The following GALNT13 variants were observed in gnomAD, a reference collection of about 807,000 sequenced individuals.
GALNT13 encodes the protein UDP-GalNAc:polypeptide N-acetylgalactosaminyltransferase 13.
GALNT13 carries 28 observed loss-of-function variants against 64.2 expected under a neutral mutation model. The ratio of observed to expected loss-of-function variants is 0.44; its 90% CI spans 0.32 to 0.60. The LOEUF is 0.60. Ranked by LOEUF, GALNT13 falls within the 20% of genes least tolerant of loss-of-function variation. The pLI, the probability that GALNT13 is intolerant of heterozygous loss-of-function variation, is 0.05. For synonymous variants in GALNT13, 214 were observed against 224.6 expected (o/e 0.95, Z 0.42); for missense variants, 577 against 669.8 (o/e 0.86, Z 1.53).
the GALNT13 span, among the ~76,000 whole-genome samples, chr2:153,411,280 C>T: frequency 6.6e-6 from 1 of 151,696 alleles, no homozygotes; most frequent in African/African-American, 2.4e-5. Flanking sequence ...CCATGCCCAG[C>T]ACTGGATTCA....
chr2:153,642,282 G>T, the GALNT13 span, among the ~76,000 whole-genome samples: 1 of 151,630 alleles, frequency 6.6e-6, no homozygotes, highest in Non-Finnish European at 1.5e-5. Flanking sequence ...ATATTCATGT[G>T]GTCTTGTTTG....
At chr2:153,625,238 G>C in the GALNT13 span, among the ~76,000 whole-genome samples, 3 of 151,912 alleles carry the variant, frequency 2.0e-5, no homozygotes, top group Admixed American at 6.6e-5. Flanking sequence ...AGGGGAGAGT[G>C]GGGGGAATGG....
intron 4 of GALNT13, among the ~76,000 whole-genome samples, chr2:154,234,181 A>T (rs534232807): frequency 2.0e-5 from 3 of 152,314 alleles, no homozygotes; most frequent in African/African-American, 7.2e-5. Flanking sequence ...TTAAAGATAA[A>T]ATACAAGATA....
chr2:153,997,187 C>T (rs1695578121), intron 3 of GALNT13, among the ~76,000 whole-genome samples: 1 of 151,896 alleles, frequency 6.6e-6, no homozygotes, highest in Non-Finnish European at 1.5e-5. Context: ...TTTAGGATTG[C>T]TTTTTCTATT....
chr2:153,172,080 G>A, the GALNT13 span: 2 of 152,232 alleles, frequency 1.3e-5, no homozygotes, highest in African/African-American at 4.8e-5. Flanking sequence ...GAGATGAGAA[G>A]TGAACCACTT....
intron 8 of GALNT13, among the ~76,000 whole-genome samples, chr2:154,278,699 G>A (rs568021483): frequency 6.6e-6 from 1 of 152,264 alleles, no homozygotes; most frequent in South Asian, 2.1e-4. Context: ...AAGTCAGGAA[G>A]TAGGAATAAT....
chr2:154,190,314 A>G (rs1372902033), intron 4 of GALNT13, among the ~76,000 whole-genome samples: 1 of 152,236 alleles, frequency 6.6e-6, no homozygotes, highest in African/African-American at 2.4e-5. Flanking sequence ...GTTTTTCTGT[A>G]TGCCCCACTG....
intron 9 of GALNT13, among the ~76,000 whole-genome samples, chr2:154,393,002 G>GA (rs1698868361): frequency 6.6e-6 from 1 of 152,136 alleles, no homozygotes; most frequent in South Asian, 2.1e-4. Context: ...TTTTCCTTGA[G>GA]AAAATCAGTG....
At position 154,383,711 on chromosome 2, in the gene GALNT13, A is replaced by C. The variant is rs115620697; in HGVS notation, c.1157-12280A>C. Among the ~76,000 whole-genome samples the C allele has an allele frequency of 2.5e-3, 386 of 152,020 alleles. 3 individuals carry two copies. Among genetic ancestry groups the C allele is most frequent in the Non-Finnish European group, 5.0e-3 (339 of 67,872 alleles). ...AATATTACTGTTATGATATTCTTTT[A>C]TCAATGAGGCCAACTAATACTTTGA... On this transcript the variant is annotated intron_variant, in intron 9 of 12. Transcript: ENST00000392825.
At chr2:153,132,192 G>A in the GALNT13 span, among the ~76,000 whole-genome samples, 1 of 152,192 alleles carries the variant, frequency 6.6e-6, no homozygotes, top group South Asian at 2.1e-4. Flanking sequence ...AGTCAAACAT[G>A]GTCTTTTTGC....
chr2:153,787,459 T>A, the GALNT13 span, among the ~76,000 whole-genome samples: 2 of 152,152 alleles, frequency 1.3e-5, no homozygotes, highest in Non-Finnish European at 2.9e-5. Flanking sequence ...TCAATGTATA[T>A]GACATTTAAA....
At chr2:153,815,693 A>AT in the GALNT13 span, among the ~76,000 whole-genome samples, 7 of 151,626 alleles carry the variant, frequency 4.6e-5, no homozygotes, top group South Asian at 2.1e-4. Flanking sequence ...TCCATTCTTA[A>AT]TTTTTTTTTC....
chr2:153,240,054 G>C, the GALNT13 span, among the ~76,000 whole-genome samples: 1 of 151,994 alleles, frequency 6.6e-6, no homozygotes, highest in Non-Finnish European at 1.5e-5. Context: ...TGGTAGGTTG[G>C]TTATCTAGCA....
chr2:154,076,015 A>G (rs1357708517), intron 3 of GALNT13, among the ~76,000 whole-genome samples: 1 of 151,728 alleles, frequency 6.6e-6, no homozygotes, highest in Non-Finnish European at 1.5e-5. Context: ...TGATATAATG[A>G]GCAACACTAA....
chr2:153,587,793 A>G, the GALNT13 span, among the ~76,000 whole-genome samples: 1 of 152,208 alleles, frequency 6.6e-6, no homozygotes, highest in Non-Finnish European at 1.5e-5. Flanking sequence ...GTCTTAACTC[A>G]TTTCAGCATT....
intron 4 of GALNT13, among the ~76,000 whole-genome samples, chr2:154,165,806 A>C (rs1684990540): frequency 6.6e-6 from 1 of 152,196 alleles, no homozygotes; most frequent in Non-Finnish European, 1.5e-5. Context: ...AGCTGAGAAG[A>C]AAATTACACG....
At chr2:154,158,131 ACATCT>A (rs1330663174) in intron 4 of GALNT13, among the ~76,000 whole-genome samples, 2 of 152,156 alleles carry the variant, frequency 1.3e-5, no homozygotes, top group African/African-American at 2.4e-5. Flanking sequence ...CGAGAATTGA[ACATCT>A]CATGGTATTC....
At chr2:154,031,373 A>G (rs2105306667) in intron 3 of GALNT13, among the ~76,000 whole-genome samples, 1 of 152,176 alleles carries the variant, frequency 6.6e-6, no homozygotes, top group South Asian at 2.1e-4. Flanking sequence ...CAAGTAGAGA[A>G]CAGACAGAAA....
the GALNT13 span, among the ~76,000 whole-genome samples, chr2:153,303,135 T>C: frequency 1.3e-5 from 2 of 152,308 alleles, no homozygotes; most frequent in African/African-American, 4.8e-5. Flanking sequence ...TTGGGTAATA[T>C]GGCCATTTTT....
Sources: gnomAD v4.1 joint callset for allele counts (sites outside exome capture counted in the v4.1 genomes callset) on GRCh38, gnomAD v4.1.1 for gene constraint, MANE v1.5 for transcripts, NCBI Gene and HGNC (gene_info 2026-07-23, HGNC 2026-07-21) for gene names.